Variants in IGFBP7 observed in about 807,000 individuals in gnomAD.
IGFBP7 encodes insulin-like growth factor-binding protein 7.
Under a neutral mutation model 29.4 loss-of-function variants are expected in IGFBP7, and 31 were observed. The ratio of observed to expected loss-of-function variants is 1.05; its 90% CI spans 0.79 to 1.42. The LOEUF is 1.42. Ranked by LOEUF, IGFBP7 falls within the 40% of genes most tolerant of loss-of-function variation. The pLI is 0.00. For missense variants in IGFBP7, 393 were observed against 395.5 expected (o/e 0.99, Z 0.05); for synonymous variants, 172 against 174.9 (o/e 0.98, Z 0.13).
intron 1 of IGFBP7, among the ~76,000 whole-genome samples, chr4:57,101,519 CTAATTAA>C (rs539237995): frequency 4.1e-4 from 62 of 152,280 alleles, no homozygotes; most frequent in African/African-American, 1.4e-3. Flanking sequence ...CCAGCTGTTT[CTAATTAA>C]CTTTGACTGC....
intron 1 of IGFBP7, among the ~76,000 whole-genome samples, chr4:57,055,052 T>C (rs947347398): frequency 1.3e-5 from 2 of 152,150 alleles, no homozygotes; most frequent in South Asian, 2.1e-4. Flanking sequence ...CAGTATAGGG[T>C]GACCCTCTTA....
chr4:57,090,686 T>C (rs1394422523), intron 1 of IGFBP7, among the ~76,000 whole-genome samples: 3 of 151,806 alleles, frequency 2.0e-5, no homozygotes, highest in Non-Finnish European at 2.9e-5. Context: ...AAAATACCCA[T>C]ACACACACAA....
At chr4:57,033,495 CT>C (rs373233746) in intron 2 of IGFBP7, among the ~76,000 whole-genome samples, 184 bp from the exon 3 acceptor site, 1 of 152,140 alleles carries the variant, frequency 6.6e-6, no homozygotes, top group African/African-American at 2.4e-5. Context: ...TTATTTCTTC[CT>C]GCCAGTTTCC....
At chr4:57,050,651 C>A (rs1207411129) in intron 1 of IGFBP7, among the ~76,000 whole-genome samples, 1 of 151,912 alleles carries the variant, frequency 6.6e-6, no homozygotes, top group East Asian at 1.9e-4. Context: ...TCTCATGGGT[C>A]CTTCTGCCTC....
At chr4:57,103,228 C>T (rs568348956) in intron 1 of IGFBP7, among the ~76,000 whole-genome samples, 3 of 152,270 alleles carry the variant, frequency 2.0e-5, no homozygotes, top group East Asian at 3.9e-4. Flanking sequence ...AGTCTCACCC[C>T]CTTCCAATCC....
At chr4:57,063,068 T>G (rs1228043669) in intron 1 of IGFBP7, among the ~76,000 whole-genome samples, 1 of 152,198 alleles carries the variant, frequency 6.6e-6, no homozygotes, top group Non-Finnish European at 1.5e-5. Context: ...TCCTCAAGCA[T>G]GTCTTGCCCT....
intron 1 of IGFBP7, among the ~76,000 whole-genome samples, chr4:57,057,371 C>A (rs941683590): frequency 1.3e-4 from 20 of 152,316 alleles, no homozygotes; most frequent in African/African-American, 4.8e-4. Flanking sequence ...AAACTACATG[C>A]AAAGTATCCT....
intron 1 of IGFBP7, among the ~76,000 whole-genome samples, chr4:57,044,724 T>C (rs1466710045): frequency 6.6e-6 from 1 of 152,226 alleles, no homozygotes; most frequent in African/African-American, 2.4e-5. Flanking sequence ...TCTATGTGTC[T>C]ATCTTTGCAC....
rs778011933 is a variant in IGFBP7, at chr4:57,032,592, C to A, written c.703-40G>T. 1.7e-5 allele frequency: 26 copies of A among 1,510,204 alleles called. 1 individual carries two copies. The South Asian group carries it at 2.7e-4, about 16-fold the overall frequency. The allele number at this position is 1,510,204 out of a possible 1,614,324, so 93.6% of individuals were successfully genotyped here. A position where few individuals can be genotyped will look rare whatever the true frequency, so the allele number is the denominator to read the frequency against. On this transcript the variant is annotated intron_variant, in intron 3 of 4. Coordinates refer to ENST00000295666, the MANE Select transcript of IGFBP7 (RefSeq NM_001553.3). ...AGATCTAGTATTCCTCTGTGGTGGT[C>A]TTCTCTTTTGTCAGTGGTTCCAGTG...
chr4:57,069,561 G>A (rs2109773953), intron 1 of IGFBP7, among the ~76,000 whole-genome samples: 1 of 152,284 alleles, frequency 6.6e-6, no homozygotes, highest in East Asian at 1.9e-4. Flanking sequence ...CTACTCGGGA[G>A]GTGGAGGTAG....
intron 2 of IGFBP7, among the ~76,000 whole-genome samples, chr4:57,035,139 T>A (rs1334881628): frequency 6.6e-6 from 1 of 152,184 alleles, no homozygotes; most frequent in Non-Finnish European, 1.5e-5. Flanking sequence ...AAATACTGAA[T>A]CTCAGCAACT....
chr4:57,073,252 T>C, intron 1 of IGFBP7: 1 of 325,104 alleles, frequency 3.1e-6, no homozygotes, highest in Non-Finnish European at 5.2e-6. Flanking sequence ...ATTATTATTA[T>C]TATTAGTCTT....
intron 1 of IGFBP7, among the ~76,000 whole-genome samples, chr4:57,049,581 T>A (rs1482128637): frequency 6.6e-6 from 1 of 152,208 alleles, no homozygotes; most frequent in Non-Finnish European, 1.5e-5. Context: ...GAAGTTTCAT[T>A]TCTCTTTGAC....
intron 1 of IGFBP7, among the ~76,000 whole-genome samples, chr4:57,073,536 A>C (rs1725116239): frequency 6.6e-6 from 1 of 152,010 alleles, no homozygotes; most frequent in South Asian, 2.1e-4. Context: ...TTGAGGTTGA[A>C]ATAAGCTGAG....
chr4:57,066,965 T>C (rs1325057591), intron 1 of IGFBP7, among the ~76,000 whole-genome samples: 1 of 148,422 alleles, frequency 6.7e-6, no homozygotes, highest in Non-Finnish European at 1.5e-5. Context: ...CATAATCTCT[T>C]TTTGGAAGGT....
intron 4 of IGFBP7, 116 bp downstream of exon 4, chr4:57,032,310 G>T: frequency 6.7e-7 from 1 of 1,489,950 alleles, no homozygotes; most frequent in Non-Finnish European, 8.9e-7. Flanking sequence ...GCCCTTATGG[G>T]TTGCTAACTA....
chr4:57,090,834 C>G (rs979928105), intron 1 of IGFBP7, among the ~76,000 whole-genome samples: 1 of 152,092 alleles, frequency 6.6e-6, no homozygotes, highest in African/African-American at 2.4e-5. Flanking sequence ...CTAGGTGACA[C>G]AGCAAGACTC....
At chr4:57,090,605 G>A (rs1488579150) in intron 1 of IGFBP7, among the ~76,000 whole-genome samples, 2 of 152,172 alleles carry the variant, frequency 1.3e-5, no homozygotes, top group Non-Finnish European at 2.9e-5. Flanking sequence ...GGGAGGCTGA[G>A]GCGGGCAGAT....
intron 1 of IGFBP7, among the ~76,000 whole-genome samples, chr4:57,077,023 G>A (rs140820595): frequency 6.6e-6 from 1 of 152,078 alleles, no homozygotes; most frequent in African/African-American, 2.4e-5. Flanking sequence ...TATTTTAAAC[G>A]CTAACCTCAC....
Sources: gnomAD v4.1 joint callset for allele counts (sites outside exome capture counted in the v4.1 genomes callset) on GRCh38, gnomAD v4.1.1 for gene constraint, MANE v1.5 for transcripts, NCBI Gene and HGNC (gene_info 2026-07-23, HGNC 2026-07-21) for gene names.